The following HS6ST3 variants were observed in gnomAD, a reference collection of about 807,000 sequenced individuals.
HS6ST3 encodes the protein heparan sulfate 6-O-sulfotransferase 3.
Under a neutral mutation model 36.7 loss-of-function variants are expected in HS6ST3, and 12 were observed. The observed-to-expected ratio is 0.33, with a 90% CI of 0.21 to 0.53. The LOEUF (loss-of-function observed/expected upper bound fraction) is 0.53. HS6ST3 is among the 20% of genes least tolerant of loss of function. The pLI is 0.95. For missense variants in HS6ST3, 584 were observed against 640.9 expected (o/e 0.91, Z 0.96); for synonymous variants, 240 against 257.5 (o/e 0.93, Z 0.65).
chr13:96,406,592 G>A (rs951702907), intron 1 of HS6ST3, among the ~76,000 whole-genome samples: 1 of 152,146 alleles, frequency 6.6e-6, no homozygotes, highest in African/African-American at 2.4e-5. Flanking sequence ...TAGGAATTGC[G>A]CTATATTTAT....
chr13:96,330,829 G>A (rs1390587773), intron 1 of HS6ST3, among the ~76,000 whole-genome samples: 2 of 150,990 alleles, frequency 1.3e-5, no homozygotes, highest in Non-Finnish European at 3.0e-5. Flanking sequence ...CCAATCAGAT[G>A]TAGATTTGGT....
intron 1 of HS6ST3, among the ~76,000 whole-genome samples, chr13:96,194,985 CTCATGGAAT>C (rs1447635968): frequency 6.6e-6 from 1 of 152,086 alleles, no homozygotes; most frequent in Non-Finnish European, 1.5e-5. Context: ...TCATGTGCTG[CTCATGGAAT>C]TAATGTGAAT....
chr13:96,779,674 A>G (rs1294443189), intron 1 of HS6ST3, among the ~76,000 whole-genome samples: 1 of 152,096 alleles, frequency 6.6e-6, no homozygotes, highest in East Asian at 1.9e-4. Context: ...ATGCTGTGCA[A>G]AAGTGAAAAT....
chr13:96,174,395 G>C (rs1005483944), intron 1 of HS6ST3, among the ~76,000 whole-genome samples: 1 of 151,878 alleles, frequency 6.6e-6, no homozygotes, highest in Non-Finnish European at 1.5e-5. Flanking sequence ...AAATTTTTTA[G>C]GTATTTAATT....
intron 1 of HS6ST3, among the ~76,000 whole-genome samples, chr13:96,424,165 C>G (rs2055575098): frequency 6.6e-6 from 1 of 152,092 alleles, no homozygotes; most frequent in South Asian, 2.1e-4. Flanking sequence ...CAGTTGACAT[C>G]ACCAAACAAA....
At chr13:96,157,713 A>G (rs1418474089) in intron 1 of HS6ST3, among the ~76,000 whole-genome samples, 1 of 152,262 alleles carries the variant, frequency 6.6e-6, no homozygotes, top group East Asian at 1.9e-4. Context: ...ATAATGTCAT[A>G]TTAATCACCT....
chr13:96,799,283 A>C (rs919668273), intron 1 of HS6ST3, among the ~76,000 whole-genome samples: 4 of 152,004 alleles, frequency 2.6e-5, no homozygotes, highest in African/African-American at 7.2e-5. Context: ...TTGTTTCCTG[A>C]CTTTTTAATG....
At chr13:96,709,745 G>GC (rs1166138233) in intron 1 of HS6ST3, among the ~76,000 whole-genome samples, 1 of 152,148 alleles carries the variant, frequency 6.6e-6, no homozygotes, top group Non-Finnish European at 1.5e-5. Flanking sequence ...TGTTGCTTCA[G>GC]CCCCCCAGGC....
At chr13:96,717,788 C>G (rs1193954412) in intron 1 of HS6ST3, among the ~76,000 whole-genome samples, 2 of 152,274 alleles carry the variant, frequency 1.3e-5, no homozygotes, top group South Asian at 2.1e-4. Context: ...TTCCCCAGAG[C>G]TTACCTCATG....
intron 1 of HS6ST3, among the ~76,000 whole-genome samples, chr13:96,632,047 A>G (rs1263527832): frequency 6.6e-6 from 1 of 152,166 alleles, no homozygotes; most frequent in Non-Finnish European, 1.5e-5. Flanking sequence ...ATCAATATTA[A>G]GAGGTGAGGC....
chr13:96,422,123 G>A (rs1274129582), intron 1 of HS6ST3, among the ~76,000 whole-genome samples: 1 of 152,132 alleles, frequency 6.6e-6, no homozygotes, highest in Non-Finnish European at 1.5e-5. Flanking sequence ...ACAGTGTTAA[G>A]ATATACTTTT....
At chr13:96,507,401 TGATTGGGATCTCTTTCTGA>T (rs1438373343) in intron 1 of HS6ST3, among the ~76,000 whole-genome samples, 1 of 152,146 alleles carries the variant, frequency 6.6e-6, no homozygotes, top group Non-Finnish European at 1.5e-5. Flanking sequence ...GGCCAGACCC[TGATTGGGATCTCTTTCTGA>T]GATCCTAAGA....
intron 1 of HS6ST3, among the ~76,000 whole-genome samples, chr13:96,167,833 T>C (rs1053651013): frequency 2.2e-4 from 34 of 152,206 alleles, no homozygotes; most frequent in African/African-American, 8.0e-4. Flanking sequence ...TATAAATATA[T>C]GTCTAAAGAT....
intron 1 of HS6ST3, among the ~76,000 whole-genome samples, chr13:96,372,301 C>T (rs1188556361): frequency 6.6e-6 from 1 of 152,070 alleles, no homozygotes; most frequent in East Asian, 1.9e-4. Flanking sequence ...CTATTTAGTT[C>T]CTTTGCCCAT....
At chr13:96,399,524 T>G (rs1566349542) in intron 1 of HS6ST3, among the ~76,000 whole-genome samples, 1 of 152,260 alleles carries the variant, frequency 6.6e-6, no homozygotes, top group African/African-American at 2.4e-5. Context: ...AAAGATGGCC[T>G]TAATTTATAT....
intron 1 of HS6ST3, among the ~76,000 whole-genome samples, chr13:96,301,936 TAATA>T (rs1484334654): frequency 6.8e-6 from 1 of 146,590 alleles, no homozygotes; most frequent in Admixed American, 6.8e-5. Flanking sequence ...ATAATAATAA[TAATA>T]ATAATTTCTA....
intron 1 of HS6ST3, among the ~76,000 whole-genome samples, chr13:96,324,942 T>C (rs550121986): frequency 1.3e-5 from 2 of 152,324 alleles, no homozygotes; most frequent in South Asian, 4.1e-4. Flanking sequence ...TATGGCAGCA[T>C]TACCTGATTT....
chr13:96,139,541 G>GAAAAAAAAAA (rs57777280), intron 1 of HS6ST3, among the ~76,000 whole-genome samples: 2 of 66,264 alleles, frequency 3.0e-5, no homozygotes, highest in Non-Finnish European at 5.3e-5. Flanking sequence ...GTAAGATTCA[G>GAAAAAAAAAA]AAAAAAAAAA....
At chr13:96,435,380 C>T (rs1419083674) in intron 1 of HS6ST3, among the ~76,000 whole-genome samples, 1 of 151,928 alleles carries the variant, frequency 6.6e-6, no homozygotes, top group Non-Finnish European at 1.5e-5. Context: ...TGACTGGACT[C>T]TTCTCCATGA....
Sources: allele counts gnomAD v4.1 joint callset (sites outside exome capture counted in the v4.1 genomes callset), GRCh38; gene constraint gnomAD v4.1.1; transcripts MANE v1.5; gene names NCBI Gene and HGNC (gene_info 2026-07-23, HGNC 2026-07-21).